The following DEFB1 variants were observed in gnomAD, a reference collection of about 807,000 sequenced individuals.
DEFB1 encodes defensin beta 1.
Under a neutral mutation model 2.6 loss-of-function variants are expected in DEFB1, and 4 were observed. That is an observed-to-expected ratio of 1.53 (90% CI 0.76 to 3.51). The LOEUF (loss-of-function observed/expected upper bound fraction) is 3.51. Among genes scored for constraint, DEFB1 ranks in the 30% most tolerant of loss-of-function variants. DEFB1 has a pLI of 0.01. For synonymous variants in DEFB1, 56 were observed against 28.5 expected (o/e 1.96, Z -3.07); for missense variants, 162 against 76.9 (o/e 2.11, Z -4.14).
intron 1 of DEFB1, among the ~76,000 whole-genome samples, chr8:6,875,235 G>A (rs1209297162): frequency 2.6e-5 from 4 of 152,090 alleles, no homozygotes; most frequent in Non-Finnish European, 5.9e-5. Flanking sequence ...GATAGAAAGT[G>A]CAGTAACCTT....
intron 1 of DEFB1, among the ~76,000 whole-genome samples, chr8:6,871,430 G>A (rs1222773551): frequency 6.6e-6 from 1 of 152,020 alleles, no homozygotes; most frequent in Non-Finnish European, 1.5e-5. Context: ...AATAGAGACA[G>A]TACTCTGGAA....
chr8:6,871,506 C>T (rs192156959), intron 1 of DEFB1, among the ~76,000 whole-genome samples: 2 of 152,242 alleles, frequency 1.3e-5, no homozygotes, highest in East Asian at 1.9e-4. Context: ...ACCAGCAGGC[C>T]GCCATGTTGC....
chr8:6,875,564 C>A (rs542731565), intron 1 of DEFB1, among the ~76,000 whole-genome samples: 13 of 152,302 alleles, frequency 8.5e-5, no homozygotes, highest in African/African-American at 3.1e-4. Flanking sequence ...CTCCAGTGAG[C>A]TATTGCTACA....
chr8:6,876,855 AAC>A (rs147385609), intron 1 of DEFB1, among the ~76,000 whole-genome samples: 13,716 of 119,606 alleles, frequency 0.11, 1,834 homozygotes, highest in African/African-American at 0.35. Flanking sequence ...CAAAAAAAAA[AAC>A]AAAAAAACAA....
intron 1 of DEFB1, among the ~76,000 whole-genome samples, chr8:6,876,263 T>G (rs937804239): frequency 6.6e-6 from 1 of 151,938 alleles, no homozygotes. Flanking sequence ...GACCATGAGG[T>G]CAGGAGTTAA....
intron 1 of DEFB1, among the ~76,000 whole-genome samples, chr8:6,871,330 C>A (rs912320305): frequency 6.6e-6 from 1 of 152,166 alleles, no homozygotes; most frequent in African/African-American, 2.4e-5. Flanking sequence ...TCACATCGGG[C>A]TGAAATTATG....
chr8:6,871,660 T>C lies in DEFB1; in HGVS notation c.62-834A>G, dbSNP rs767922878. Among the ~76,000 whole-genome samples the C allele has an allele frequency of 7.8e-4, 119 of 152,120 alleles. 1 individual carries two copies. The highest frequency in any genetic ancestry group is 9.3e-4 in the Non-Finnish European group (63 of 68,018). On this transcript the variant is annotated intron_variant, in intron 1 of 1. Coordinates refer to ENST00000297439, the MANE Select transcript of DEFB1 (RefSeq NM_005218.4). ...GGTGATTCAAGTTAAACACGGTCATTGGGGTGTGCTCTGATCCATAAGACT... is the reference window on the plus strand; with the variant it reads ...GGTGATTCAAGTTAAACACGGTCATCGGGGTGTGCTCTGATCCATAAGACT...
chr8:6,872,190 G>A (rs1327051771), intron 1 of DEFB1, among the ~76,000 whole-genome samples: 1 of 151,962 alleles, frequency 6.6e-6, no homozygotes, highest in Non-Finnish European at 1.5e-5. Context: ...TTTGAAGCCT[G>A]GTATCAATAC....
intron 1 of DEFB1, among the ~76,000 whole-genome samples, chr8:6,877,365 G>T (rs1357561595): frequency 1.3e-5 from 2 of 152,226 alleles, no homozygotes; most frequent in African/African-American, 4.8e-5. Flanking sequence ...GGCCTGATGG[G>T]TGGGGCGGCA....
At chr8:6,873,854 T>G (rs1201206455) in intron 1 of DEFB1, among the ~76,000 whole-genome samples, 2 of 152,224 alleles carry the variant, frequency 1.3e-5, no homozygotes, top group African/African-American at 4.8e-5. Context: ...GGCCATACTT[T>G]TACAACCTTT....
intron 1 of DEFB1, among the ~76,000 whole-genome samples, chr8:6,874,329 CT>C (rs1192682939): frequency 6.7e-6 from 1 of 149,124 alleles, no homozygotes; most frequent in Non-Finnish European, 1.5e-5. Context: ...AGTGGAAATG[CT>C]CTGTTAAAGC....
intron 1 of DEFB1, among the ~76,000 whole-genome samples, chr8:6,872,455 T>C (rs941168852): frequency 3.9e-5 from 6 of 152,118 alleles, no homozygotes; most frequent in East Asian, 1.9e-4. Context: ...TTCATTTCAA[T>C]AGAAGGTACT....
At chr8:6,874,830 A>G (rs1806460138) in intron 1 of DEFB1, among the ~76,000 whole-genome samples, 1 of 152,030 alleles carries the variant, frequency 6.6e-6, no homozygotes, top group African/African-American at 2.4e-5. Context: ...AAAAATACAA[A>G]AATTAGCCAG....
chr8:6,875,995 A>T (rs545704367), intron 1 of DEFB1, among the ~76,000 whole-genome samples: 6 of 152,174 alleles, frequency 3.9e-5, no homozygotes, highest in Non-Finnish European at 8.8e-5. Context: ...ATAGACTGAA[A>T]ACAAAAATTC....
intron 1 of DEFB1, among the ~76,000 whole-genome samples, chr8:6,876,389 A>G (rs759900457): frequency 6.6e-6 from 1 of 152,138 alleles, no homozygotes; most frequent in African/African-American, 2.4e-5. Context: ...AGGCAGGAGA[A>G]TTGCTTGAAC....
At chr8:6,871,279 C>A (rs1038099622) in intron 1 of DEFB1, among the ~76,000 whole-genome samples, 1 of 152,222 alleles carries the variant, frequency 6.6e-6, no homozygotes, top group Non-Finnish European at 1.5e-5. Flanking sequence ...CCGGCCCCCT[C>A]ACTTCCCACA....
chr8:6,877,927 A>T lies in DEFB1; in HGVS notation c.-70T>A. 2 of 1,429,722 alleles carry T rather than the reference A, an allele frequency of 1.4e-6. No homozygotes were observed. Among genetic ancestry groups the T allele is most frequent in the Non-Finnish European group, 2.0e-6 (2 of 1,013,148 alleles). The allele number at this position is 1,429,722 out of a possible 1,614,324, so 88.6% of individuals were successfully genotyped here. A position where few individuals can be genotyped will look rare whatever the true frequency, so the allele number is the denominator to read the frequency against. The stretch of plus-strand genomic sequence containing the variant: ...GCTGGCTCCTTTGGAGGCTGAGCTG[A>T]CAGAGGCTTCCAGAGGCTGGAGCGT... On this transcript the variant is annotated 5_prime_UTR_variant, in exon 1 of 2. Coordinates refer to ENST00000297439, the MANE Select transcript of DEFB1 (RefSeq NM_005218.4).
At chr8:6,873,544 G>C (rs1312050004) in intron 1 of DEFB1, among the ~76,000 whole-genome samples, 1 of 152,190 alleles carries the variant, frequency 6.6e-6, no homozygotes, top group Non-Finnish European at 1.5e-5. Flanking sequence ...ATGAAGGTGT[G>C]TCCTTTGCAG....
Position 6,875,746 on chromosome 8 carries a change from C to T in DEFB1, c.61+2051G>A, listed in dbSNP as rs192057300. 1.2e-3 allele frequency among the ~76,000 whole-genome samples: 186 copies of T among 152,258 alleles called. 1 individual carries two copies. The highest frequency in any genetic ancestry group is 4.2e-3 in the African/African-American group (175 of 41,520). On this transcript the variant is annotated intron_variant, in intron 1 of 1. Coordinates refer to ENST00000297439, the MANE Select transcript of DEFB1 (RefSeq NM_005218.4). ...TTGAATATATGCATAGCCTATGATC[C>T]GGTGATGCAACTTTTCAGCATGTAG...
Sources: allele counts gnomAD v4.1 joint callset (sites outside exome capture counted in the v4.1 genomes callset), GRCh38; gene constraint gnomAD v4.1.1; transcripts MANE v1.5; gene names NCBI Gene and HGNC (gene_info 2026-07-23, HGNC 2026-07-21).